The following CHD2 variants were observed in gnomAD, a reference collection of about 807,000 sequenced individuals.
CHD2 encodes the protein ATP-dependent chromatin remodeler CHD2.
Under a neutral mutation model 243.9 loss-of-function variants are expected in CHD2, and 28 were observed. The ratio of observed to expected loss-of-function variants is 0.11; its 90% CI spans 0.09 to 0.16. The LOEUF is 0.16. Among genes scored for constraint, CHD2 ranks in the 10% least tolerant of loss-of-function variants. CHD2 has a pLI of 1.00. For synonymous variants in CHD2, 775 were observed against 779.0 expected, an observed-to-expected ratio of 0.99 and a Z score of 0.09; for missense variants, 1,386 against 2,209.8, an observed-to-expected ratio of 0.63 and a Z score of 7.47.
chr15:93,000,752 A>G lies in CHD2; in HGVS notation c.4137+112A>G. The G allele has an allele frequency of 2.5e-6, 3 of 1,184,096 alleles. No homozygotes were observed. In the Admixed American group the frequency reaches 7.2e-5, roughly 28 times the overall value. The allele number at this position is 1,184,096 out of a possible 1,614,324, so 73.3% of individuals were successfully genotyped here. On this transcript the variant is annotated intron_variant, in intron 32 of 38. Transcript: ENST00000394196. ...TTTGGTTTACGAGTGGATTAAATGG[A>G]AATAGAATATGTAAGTCTTCGCTTA...
intron 17 of CHD2, among the ~76,000 whole-genome samples, chr15:92,968,699 A>G (rs2053800208): frequency 1.3e-5 from 2 of 152,218 alleles, no homozygotes; most frequent in Non-Finnish European, 2.9e-5. Flanking sequence ...TACTTTTGCC[A>G]TTTTCAAAGG....
intron 14 of CHD2, among the ~76,000 whole-genome samples, chr15:92,954,784 G>A (rs1019874731): frequency 1.3e-5 from 2 of 152,172 alleles, no homozygotes; most frequent in African/African-American, 4.8e-5. Context: ...TCACCTGCAG[G>A]CACTTACTGT....
chr15:92,920,705 T>G (rs2052938294), intron 2 of CHD2, among the ~76,000 whole-genome samples: 1 of 152,208 alleles, frequency 6.6e-6, no homozygotes, highest in Admixed American at 6.5e-5. Flanking sequence ...TGGTGGTGAT[T>G]GCCAAAACAT....
chr15:93,010,716 G>A (rs1252903949), intron 35 of CHD2, among the ~76,000 whole-genome samples: 3 of 152,176 alleles, frequency 2.0e-5, no homozygotes, highest in Non-Finnish European at 4.4e-5. Flanking sequence ...GAGCCACTGC[G>A]CCCAGCCATG....
chr15:92,903,891 A>G (rs572074444), intron 2 of CHD2, among the ~76,000 whole-genome samples: 58 of 152,322 alleles, frequency 3.8e-4, no homozygotes, highest in African/African-American at 1.3e-3. Context: ...TACAATTTTC[A>G]GGGGCGCTTT....
intron 37 of CHD2, among the ~76,000 whole-genome samples, chr15:93,015,509 T>A (rs1322793246): frequency 6.6e-6 from 1 of 151,788 alleles, no homozygotes; most frequent in East Asian, 1.9e-4. Flanking sequence ...GAAAGAGCTC[T>A]TGTAAATTGA....
intron 2 of CHD2, chr15:92,904,559 T>G (rs940997464): frequency 3.0e-6 from 3 of 1,012,238 alleles, no homozygotes; most frequent in South Asian, 4.1e-5. Context: ...CGTTTGCTCC[T>G]GGCAGTCTTG....
In CHD2 at chr15:92,937,638, C is replaced by T. The variant is rs137954528; in HGVS notation, c.551+13C>T. 122 of 1,580,270 alleles carry T rather than the reference C, an allele frequency of 7.7e-5. No individual in the cohort carries two copies. In the East Asian group the frequency reaches 2.2e-3, roughly 28 times the overall value. Reference sequence around the variant, plus strand: ...CTGTCCCCAGAAGGTGCACTGTTTGCTTAAGATCTCTACTTGGGATGAGCT... The same window carrying T: ...CTGTCCCCAGAAGGTGCACTGTTTGTTTAAGATCTCTACTTGGGATGAGCT... On this transcript the variant is annotated intron_variant, in intron 6 of 38. Transcript: ENST00000394196.
At chr15:92,922,113 A>G (rs1035841216) in intron 2 of CHD2, among the ~76,000 whole-genome samples, 12 of 152,178 alleles carry the variant, frequency 7.9e-5, no homozygotes, top group Non-Finnish European at 1.6e-4. Flanking sequence ...AAGAGTTAAT[A>G]ATGTTTTCTG....
chr15:92,993,085 T>C, intron 28 of CHD2, 87 bp downstream of exon 28: 7 of 1,405,874 alleles, frequency 5.0e-6, no homozygotes, highest in Non-Finnish European at 6.9e-6. Context: ...AAGGACAGGC[T>C]TGAGGACCAC....
intron 26 of CHD2, among the ~76,000 whole-genome samples, chr15:92,990,238 C>T (rs1322830784): frequency 6.6e-6 from 1 of 152,176 alleles, no homozygotes; most frequent in Non-Finnish European, 1.5e-5. Context: ...CCAGTGGCTG[C>T]TGTGCTGCTG....
chr15:92,904,913 T>C, intron 2 of CHD2: 1 of 1,536,042 alleles, frequency 6.5e-7, no homozygotes, highest in Non-Finnish European at 8.7e-7. Flanking sequence ...AATACATGGC[T>C]CATAAACAAA....
At chr15:92,988,088 T>C (rs913299509) in intron 26 of CHD2, among the ~76,000 whole-genome samples, 11 of 152,242 alleles carry the variant, frequency 7.2e-5, no homozygotes, top group African/African-American at 2.4e-4. Context: ...GTCTCTTTTT[T>C]TTTTTTCTTT....
chr15:92,902,105 G>C, intron 2 of CHD2: 1 of 397,632 alleles, frequency 2.5e-6, no homozygotes, highest in East Asian at 3.6e-5. Context: ...TTGATTTCCT[G>C]TTGGTAGATG....
intron 6 of CHD2, among the ~76,000 whole-genome samples, chr15:92,938,315 G>C (rs779751383): frequency 2.6e-5 from 4 of 152,128 alleles, no homozygotes; most frequent in Non-Finnish European, 5.9e-5. Context: ...AAACAATTCT[G>C]TTCTCATTAG....
chr15:92,984,801 A>T (rs1405911729), intron 25 of CHD2, among the ~76,000 whole-genome samples: 1 of 152,216 alleles, frequency 6.6e-6, no homozygotes, highest in African/African-American at 2.4e-5. Context: ...TTGGCTGTTA[A>T]TTGCCACTGC....
intron 7 of CHD2, 33 bp from the exon 8 acceptor site, chr15:92,941,789 T>C: frequency 6.2e-7 from 1 of 1,606,610 alleles, no homozygotes; most frequent in South Asian, 1.1e-5. Context: ...GAAGAGATCA[T>C]TTCTCATTTA....
At position 92,987,038 on chromosome 15, in the gene CHD2, G is replaced by A. The variant is rs568895415; in HGVS notation, c.3413+1365G>A. Among the ~76,000 whole-genome samples, 11 of 152,176 alleles carry A rather than the reference G, an allele frequency of 7.2e-5. No individual in the cohort carries two copies. In the East Asian group the frequency reaches 1.7e-3, roughly 24 times the overall value. On this transcript the variant is annotated intron_variant, in intron 26 of 38. Transcript: ENST00000394196. ...GGCCTGAGCCACCGTGCGCAGCCTA[G>A]TTGTTCTACCCATTATTGAAAATGG...
chr15:92,960,705 G>GTTTTTTTTTTTTTTTTTT (rs71467745), intron 16 of CHD2, among the ~76,000 whole-genome samples: 1 of 51,452 alleles, frequency 1.9e-5, no homozygotes, highest in Non-Finnish European at 3.7e-5. Flanking sequence ...TCTGTTTGGT[G>GTTTTTTTTTTTTTTTTTT]TTTTTTTTTT....
Sources: allele counts gnomAD v4.1 joint callset (sites outside exome capture counted in the v4.1 genomes callset), GRCh38; gene constraint gnomAD v4.1.1; transcripts MANE v1.5; gene names NCBI Gene and HGNC (gene_info 2026-07-23, HGNC 2026-07-21).